Variants in CTNNA3 observed in about 807,000 individuals in gnomAD.
The protein encoded by CTNNA3 is catenin alpha-3.
CTNNA3 carries 76 observed loss-of-function variants against 95.7 expected under a neutral mutation model. That is an observed-to-expected ratio of 0.79 (90% CI 0.66 to 0.96). The LOEUF (loss-of-function observed/expected upper bound fraction) is 0.96. Among genes scored for constraint, CTNNA3 ranks in the 40% least tolerant of loss-of-function variants. The pLI is 0.00. For synonymous variants in CTNNA3, 431 were observed against 374.4 expected, an observed-to-expected ratio of 1.15 and a Z score of -1.74; for missense variants, 1,191 against 1,089.8, an observed-to-expected ratio of 1.09 and a Z score of -1.31.
At chr10:66,226,178 A>C (rs2089277195) in intron 13 of CTNNA3, among the ~76,000 whole-genome samples, 1 of 152,130 alleles carries the variant, frequency 6.6e-6, no homozygotes, top group Non-Finnish European at 1.5e-5. Context: ...GTAGTGTTAT[A>C]GACTTGGGTC....
chr10:67,652,569 C>T (rs757320007), intron 1 of CTNNA3, among the ~76,000 whole-genome samples: 2 of 152,164 alleles, frequency 1.3e-5, no homozygotes, highest in Non-Finnish European at 2.9e-5. Context: ...AAGTCTCTCT[C>T]TCTCTCATCC....
intron 1 of CTNNA3, among the ~76,000 whole-genome samples, chr10:67,723,699 A>G (rs912951752): frequency 6.6e-6 from 1 of 152,214 alleles, no homozygotes; most frequent in Non-Finnish European, 1.5e-5. Flanking sequence ...AACATAAAGT[A>G]TCCTCTGTAT....
At chr10:66,846,983 C>T (rs1201491277) in intron 7 of CTNNA3, among the ~76,000 whole-genome samples, 1 of 152,204 alleles carries the variant, frequency 6.6e-6, no homozygotes, top group Non-Finnish European at 1.5e-5. Context: ...CAGATTCTTA[C>T]AGCAGCTTTT....
chr10:66,005,214 A>G (rs1240280571), intron 15 of CTNNA3, among the ~76,000 whole-genome samples: 2 of 152,178 alleles, frequency 1.3e-5, no homozygotes, highest in Non-Finnish European at 2.9e-5. Flanking sequence ...CAGATGATTT[A>G]CAATAATCTC....
intron 13 of CTNNA3, among the ~76,000 whole-genome samples, chr10:66,168,145 A>G (rs2085232714): frequency 2.0e-5 from 3 of 152,188 alleles, no homozygotes; most frequent in African/African-American, 7.2e-5. Flanking sequence ...GATGAACAAT[A>G]TATAACTGTG....
At chr10:66,049,330 C>G (rs1554835643) in intron 15 of CTNNA3, among the ~76,000 whole-genome samples, 1 of 152,136 alleles carries the variant, frequency 6.6e-6, no homozygotes, top group Non-Finnish European at 1.5e-5. Flanking sequence ...CACTTATACA[C>G]AGTTAGTGGG....
intron 10 of CTNNA3, among the ~76,000 whole-genome samples, chr10:66,525,322 T>C (rs1477344696): frequency 6.6e-6 from 1 of 152,148 alleles, no homozygotes; most frequent in Non-Finnish European, 1.5e-5. Context: ...GTCCATACTT[T>C]GCATCATGCA....
intron 13 of CTNNA3, among the ~76,000 whole-genome samples, chr10:66,141,029 C>A (rs1289697424): frequency 6.6e-6 from 1 of 151,862 alleles, no homozygotes; most frequent in Non-Finnish European, 1.5e-5. Flanking sequence ...GAGGCCGAGG[C>A]GGGAGGATCA....
At chr10:67,668,832 CTTTTTTT>C (rs869150567) in intron 1 of CTNNA3, among the ~76,000 whole-genome samples, 3 of 90,108 alleles carry the variant, frequency 3.3e-5, no homozygotes, top group African/African-American at 4.6e-5. Context: ...TACTGTGTTT[CTTTTTTT>C]TTTTTTTTTT....
chr10:67,489,678 A>T (rs559749126), intron 5 of CTNNA3, among the ~76,000 whole-genome samples: 1 of 152,224 alleles, frequency 6.6e-6, no homozygotes, highest in South Asian at 2.1e-4. Flanking sequence ...ATTAGCAGGC[A>T]TTCACTGAGG....
chr10:66,122,392 GAAAGAAA>G (rs573845391), intron 13 of CTNNA3, among the ~76,000 whole-genome samples: 17 of 151,996 alleles, frequency 1.1e-4, no homozygotes, highest in Admixed American at 2.6e-4. Context: ...TGTAATAGAA[GAAAGAAA>G]AAAGAAAATG....
intron 11 of CTNNA3, among the ~76,000 whole-genome samples, chr10:66,413,259 A>G (rs7907157): frequency 0.38 from 58,126 of 151,920 alleles, 11,680 homozygotes; most frequent in African/African-American, 0.5. Flanking sequence ...CCCCTTGAGA[A>G]CTTGTTGTAT....
rs554978989 is a variant in CTNNA3 at position 67,311,689 on chromosome 10, T to A, written c.580-91819A>T. On this transcript the variant is annotated intron_variant, in intron 5 of 17. Coordinates refer to ENST00000433211, the MANE Select transcript of CTNNA3 (RefSeq NM_013266.4). ...TAAAGCACACTCACAGACATATATT[T>A]AAGTGTATAGAAGAAAGAGAACACC... 1.1e-4 allele frequency among the ~76,000 whole-genome samples: 17 copies of A among 152,268 alleles called. No individual in the cohort carries two copies. The South Asian group carries it at 3.5e-3, about 32-fold the overall frequency.
At chr10:67,755,418 A>T (rs985666106) in intron 1 of CTNNA3, among the ~76,000 whole-genome samples, 1 of 152,218 alleles carries the variant, frequency 6.6e-6, no homozygotes. Flanking sequence ...TAGTACAGCC[A>T]CTATGGAAAA....
chr10:65,989,639 A>C (rs968673618), intron 15 of CTNNA3, among the ~76,000 whole-genome samples: 5 of 152,160 alleles, frequency 3.3e-5, no homozygotes, highest in Admixed American at 6.6e-5. Context: ...CTATTTGTAC[A>C]TACATAGAAT....
intron 7 of CTNNA3, among the ~76,000 whole-genome samples, chr10:67,077,278 G>C (rs978552406): frequency 6.6e-6 from 1 of 152,110 alleles, no homozygotes; most frequent in Non-Finnish European, 1.5e-5. Context: ...ATGCAAACCA[G>C]TTCTTATCAC....
intron 13 of CTNNA3, among the ~76,000 whole-genome samples, chr10:66,232,958 C>T (rs990820861): frequency 2.4e-4 from 37 of 151,984 alleles, no homozygotes; most frequent in African/African-American, 8.9e-4. Flanking sequence ...GAGATCGAGA[C>T]CATCCTGGCT....
chr10:65,921,921 T>C (rs997995493), intron 17 of CTNNA3, among the ~76,000 whole-genome samples: 17 of 152,158 alleles, frequency 1.1e-4, no homozygotes, highest in African/African-American at 4.1e-4. Flanking sequence ...GAGCTTAAAA[T>C]AATTGCTAAT....
At chr10:66,401,173 T>C (rs2093016822) in intron 11 of CTNNA3, among the ~76,000 whole-genome samples, 2 of 152,106 alleles carry the variant, frequency 1.3e-5, no homozygotes, top group South Asian at 2.1e-4. Context: ...CATTTCCTCA[T>C]TAATAAAATG....
Sources: gnomAD v4.1 joint callset for allele counts (sites outside exome capture counted in the v4.1 genomes callset) on GRCh38, gnomAD v4.1.1 for gene constraint, MANE v1.5 for transcripts, NCBI Gene and HGNC (gene_info 2026-07-23, HGNC 2026-07-21) for gene names.